DENND6B: variants seen among roughly 807,000 people sequenced by gnomAD.
DENND6B encodes DENN domain containing 6B, also known as protein DENND6B.
DENND6B carries 73 observed loss-of-function variants against 85.1 expected under a neutral mutation model. The observed-to-expected ratio is 0.86, with a 90% CI of 0.71 to 1.04. The LOEUF is 1.04. Among genes scored for constraint, DENND6B ranks in the 50% least tolerant of loss-of-function variants. The pLI is 0.00. For synonymous variants in DENND6B, 357 were observed against 329.3 expected, an observed-to-expected ratio of 1.08 and a Z score of -0.91; for missense variants, 715 against 785.8, an observed-to-expected ratio of 0.91 and a Z score of 1.08.
chr22:50,321,384 C>A (rs1257026452), intron 1 of DENND6B, among the ~76,000 whole-genome samples: 1 of 152,050 alleles, frequency 6.6e-6, no homozygotes, highest in Admixed American at 6.6e-5. Context: ...TTTTTTGAGA[C>A]GGGGTCTTGC....
At chr22:50,313,164 C>G (rs575835619) in intron 16 of DENND6B, 56 bp from the exon 17 acceptor site, 4 of 1,478,922 alleles carry the variant, frequency 2.7e-6, no homozygotes, top group South Asian at 2.5e-5. Flanking sequence ...GGCCTGCACC[C>G]GGTACGCTTC....
chr22:50,323,761 G>C (rs1011957281), intron 1 of DENND6B, among the ~76,000 whole-genome samples: 2 of 134,272 alleles, frequency 1.5e-5, no homozygotes, highest in Non-Finnish European at 3.1e-5. Flanking sequence ...TTTTGAGACA[G>C]GTTCTTGCTG....
Position 50,316,452 on chromosome 22 carries a change from C to T in DENND6B, c.477G>A (p.Leu159=). ...FQKSLVLVSR[L]PFVRLFQALL... ...GCGCTTGGAACAGCCGGACAAAGGG[C>T]AAGCGGGACACCAGCACCAAAGACT... The change falls in exon 6 of 20, where the codon TTG becomes TTA. Residue 159 remains leucine (L), a synonymous_variant. Coordinates refer to ENST00000413817, the MANE Select transcript of DENND6B (RefSeq NM_001001794.4). 6.3e-7 allele frequency: 1 copy of T among 1,584,970 alleles called. No homozygotes were observed. Among genetic ancestry groups the T allele is most frequent in the East Asian group, 2.3e-5 (1 of 42,998 alleles).
rs1184338494 is a variant in DENND6B at position 50,311,603 on chromosome 22, G to C, written c.*536C>G. The C allele has an allele frequency of 6.3e-6, 1 of 157,570 alleles. No homozygotes were observed. Among genetic ancestry groups the C allele is most frequent in the Non-Finnish European group, 1.4e-5 (1 of 71,324 alleles). The allele number at this position is 157,570 out of a possible 1,614,324, so 9.8% of individuals were successfully genotyped here. A position where few individuals can be genotyped will look rare whatever the true frequency, so the allele number is the denominator to read the frequency against. On this transcript the variant is annotated 3_prime_UTR_variant, in exon 20 of 20. Transcript: ENST00000413817. ...ACAGCCCCAAGCAGGTGGGTGTCCA[G>C]AGGAGCACCAGGGGTGGTGAGCAGA...
In DENND6B at chr22:50,313,053, T is replaced by C. The variant is rs1445438424; in HGVS notation, c.1403A>G (p.His468Arg). ...GATGCAGGTGAGCTGGGGCCCAGCA[T>C]GCTCCAGGCTACGCAGGAAGTCATC... ...SQDDFLRSLE[H>R]AGPQLTCILK... Residue 468 changes from histidine to arginine, a missense_variant, in exon 17 of 20, where the codon CAT becomes CGT. Physicochemically the swap from His to Arg is conservative, Grantham distance 29. Transcript: ENST00000413817. The C allele has an allele frequency of 1.3e-6, 2 of 1,562,148 alleles. No homozygotes were observed. Among genetic ancestry groups the C allele is most frequent in the South Asian group, 2.4e-5 (2 of 84,660 alleles).
At chr22:50,315,241 C>G (rs1426317059) in intron 9 of DENND6B, among the ~76,000 whole-genome samples, 1 of 152,182 alleles carries the variant, frequency 6.6e-6, no homozygotes, top group Non-Finnish European at 1.5e-5. Flanking sequence ...CCGCCCAGAC[C>G]CCTCCCGTCA....
intron 9 of DENND6B, among the ~76,000 whole-genome samples, chr22:50,315,431 G>A (rs1174327922): frequency 2.6e-5 from 4 of 152,188 alleles, no homozygotes; most frequent in Non-Finnish European, 5.9e-5. Context: ...TGCCCACTGT[G>A]CCTATTTCCA....
Position 50,314,193 on chromosome 22 carries a change from AG to A in DENND6B, c.1138+13del. 6.3e-7 allele frequency: 1 copy of A among 1,597,046 alleles called. No individual in the cohort carries two copies. The highest frequency in any genetic ancestry group is 8.5e-7 in the Non-Finnish European group (1 of 1,174,506). On this transcript the variant is annotated intron_variant, in intron 13 of 19. Coordinates refer to ENST00000413817, the MANE Select transcript of DENND6B (RefSeq NM_001001794.4). The stretch of plus-strand genomic sequence containing the variant: ...TCCACGGTGGAGGGGCTCCAGGTCG[AG>A]GGGAGCACAGACCTGGCTTGGTGTC...
intron 13 of DENND6B, 133 bp downstream of exon 13, chr22:50,314,074 T>G: frequency 7.7e-7 from 1 of 1,303,044 alleles, no homozygotes; most frequent in Non-Finnish European, 1.0e-6. Flanking sequence ...TCCCCAAGGG[T>G]TCTGAGCTCT....
chr22:50,319,114 G>A (rs981999929), intron 1 of DENND6B, 111 bp from the exon 2 acceptor site: 11 of 1,541,034 alleles, frequency 7.1e-6, no homozygotes, highest in Non-Finnish European at 9.6e-6. Context: ...TCTGTCTGTG[G>A]GGCGCAGGTC....
chr22:50,323,053 G>A (rs2042097936), intron 1 of DENND6B, among the ~76,000 whole-genome samples: 1 of 79,302 alleles, frequency 1.3e-5, no homozygotes. Flanking sequence ...TTTTTTAGTA[G>A]AGACGGGGTT....
At position 50,310,231 on chromosome 22, in the gene DENND6B, C is replaced by T. The variant is rs1205240261; in HGVS notation, c.*1908G>A. ...CATTTGGGGCCAGGACCTTTCTCAC[C>T]CTCGGGTCCCCGGCTTGTCCCTGCC... On this transcript the variant is annotated 3_prime_UTR_variant, in exon 20 of 20. Transcript: ENST00000413817. 1.3e-5 allele frequency: 2 copies of T among 152,348 alleles called. No individual in the cohort carries two copies. Among genetic ancestry groups the T allele is most frequent in the Non-Finnish European group, 2.9e-5 (2 of 68,118 alleles). The allele number at this position is 152,348 out of a possible 1,614,324, so 9.4% of individuals were successfully genotyped here. A position where few individuals can be genotyped will look rare whatever the true frequency, so the allele number is the denominator to read the frequency against.
Position 50,326,927 on chromosome 22 carries a change from G to T in DENND6B, c.62C>A (p.Pro21His). 3 of 1,321,740 alleles carry T rather than the reference G, an allele frequency of 2.3e-6. No homozygotes were observed. Among genetic ancestry groups the T allele is most frequent in the East Asian group, 6.4e-5 (2 of 31,136 alleles). 81.9% of individuals were successfully genotyped at this position (1,321,740 alleles called of 1,614,324 possible). The change falls in exon 1 of 20, where the codon CCC becomes CAC. Residue 21 changes from proline to histidine, a missense_variant. Pro to His is a moderately conservative substitution (Grantham distance 77). Coordinates refer to ENST00000413817, the MANE Select transcript of DENND6B (RefSeq NM_001001794.4). ...RARGCLGAAG[P>H]TSSGRAARTP... ...CCGCGCCGCGCGACCTGAAGACGTG[G>T]GTCCAGCCGCGCCCAGGCAGCCGCG...
intron 14 of DENND6B, 32 bp downstream of exon 14, chr22:50,313,782 C>T (rs781421018): frequency 1.4e-5 from 23 of 1,610,396 alleles, no homozygotes; most frequent in South Asian, 4.4e-5. Context: ...AGGCTCCCTG[C>T]GTCCCCAGCC....
chr22:50,315,784 G>A lies in DENND6B; in HGVS notation c.703-15C>T, dbSNP rs561289478. ...GGCAGCAGGTTCTGAGAGGAGGAGAGTGAAGGTCAGGGCCAAGGGGAGGCT... is the reference window on the plus strand; with the variant it reads ...GGCAGCAGGTTCTGAGAGGAGGAGAATGAAGGTCAGGGCCAAGGGGAGGCT... On this transcript the variant is annotated splice_polypyrimidine_tract_variant and intron_variant, in intron 8 of 19. Transcript: ENST00000413817. 240 of 1,521,566 alleles carry A rather than the reference G, an allele frequency of 1.6e-4. 2 individuals are homozygous for A. The South Asian group carries it at 2.9e-3, about 18-fold the overall frequency. The allele number at this position is 1,521,566 out of a possible 1,614,324, so 94.3% of individuals were successfully genotyped here.
Position 50,326,981 on chromosome 22 carries a change from G to C in DENND6B, c.8C>G (p.Ala3Gly). Residue 3 changes from alanine to glycine, a missense_variant, in exon 1 of 20, where the codon GCG becomes GGG. Physicochemically the swap from Ala to Gly is moderately conservative, Grantham distance 60. Transcript: ENST00000413817. MD[A>G]LLGTGPRRAR... Reference sequence around the variant, plus strand: ...CCGGCGAGGCCCTGTGCCCAACAGCGCGTCCATGGCGGCGGCCGCGGGTTG... The same window carrying C: ...CCGGCGAGGCCCTGTGCCCAACAGCCCGTCCATGGCGGCGGCCGCGGGTTG... The C allele has an allele frequency of 1.7e-6, 2 of 1,199,278 alleles. No individual in the cohort carries two copies. Among genetic ancestry groups the C allele is most frequent in the Non-Finnish European group, 2.1e-6 (2 of 968,326 alleles). 74.3% of individuals were successfully genotyped at this position (1,199,278 alleles called of 1,614,324 possible).
chr22:50,310,947 A>T lies in DENND6B; in HGVS notation c.*1192T>A. On this transcript the variant is annotated 3_prime_UTR_variant, in exon 20 of 20. Coordinates refer to ENST00000413817, the MANE Select transcript of DENND6B (RefSeq NM_001001794.4). ...CAACAGAGCGAGACTCCATTTCAAA[A>T]AGAAAAAAAAAGAAAAAGTCCCTCC... The T allele has an allele frequency of 6.6e-6, 1 of 152,206 alleles. No homozygotes were observed. The highest frequency in any genetic ancestry group is 1.5e-5 in the Non-Finnish European group (1 of 68,120). The allele number at this position is 152,206 out of a possible 1,614,324, so 9.4% of individuals were successfully genotyped here. A position where few individuals can be genotyped will look rare whatever the true frequency, so the allele number is the denominator to read the frequency against.
rs1341473911 is a variant in DENND6B, at chr22:50,314,849, G to A, written c.831C>T (p.Val277=). 6.2e-7 allele frequency: 1 copy of A among 1,611,600 alleles called. No individual in the cohort carries two copies. Among genetic ancestry groups the A allele is most frequent in the Admixed American group, 1.7e-5 (1 of 59,838 alleles). The stretch of plus-strand genomic sequence containing the variant: ...AGGACACGTCGGGCGAGGGTGCCAG[G>A]ACTAGCAGGGGCTCCCCGAGGAGCA... The part of the protein sequence containing the change: ...ELMLLGEPLL[V]LAPSPDVSSE... Residue 277 remains valine, a synonymous_variant, in exon 10 of 20, where the codon GTC becomes GTT. Transcript: ENST00000413817.
At chr22:50,313,193 A>G (rs1269062380) in intron 16 of DENND6B, 85 bp from the exon 17 acceptor site, 16 of 1,326,688 alleles carry the variant, frequency 1.2e-5, no homozygotes, top group Non-Finnish European at 1.7e-5. Flanking sequence ...ACTCCTCACC[A>G]CTTCTGAAGA....
Sources: gnomAD v4.1 joint callset for allele counts (sites outside exome capture counted in the v4.1 genomes callset) on GRCh38, gnomAD v4.1.1 for gene constraint, MANE v1.5 for transcripts, NCBI Gene and HGNC (gene_info 2026-07-23, HGNC 2026-07-21) for gene names.